The following ROBO2 variants were observed in gnomAD, a reference collection of about 807,000 sequenced individuals.
ROBO2 encodes roundabout homolog 2.
A neutral mutation model predicts 160.8 loss-of-function variants in ROBO2; 53 were observed. The ratio of observed to expected loss-of-function variants is 0.33; its 90% confidence interval spans 0.26 to 0.41. The LOEUF is 0.41. Among genes scored for constraint, ROBO2 ranks in the 10% least tolerant of loss-of-function variants. The probability of loss-of-function intolerance (pLI) is 1.00; values close to 1 mark genes in which losing one functional copy is unlikely to be tolerated. For synonymous variants in ROBO2, 664 were observed against 611.7 expected, an observed-to-expected ratio of 1.09 and a Z score of -1.26; for missense variants, 1,577 against 1,722.4, an observed-to-expected ratio of 0.92 and a Z score of 1.49.
rs2067334247 is a variant in ROBO2, at chr3:76,043,269, A to G, written c.109+105667A>G. Reference sequence around the variant, plus strand: ...GTGCTTTTAGTCATCTCCTCTTTTCACATACTGTGCCCTGGAATAGTCTCT... The same window carrying G: ...GTGCTTTTAGTCATCTCCTCTTTTCGCATACTGTGCCCTGGAATAGTCTCT... On this transcript the variant is annotated intron_variant, in intron 2 of 26. Transcript: ENST00000487694. Among the ~76,000 whole-genome samples the G allele has an allele frequency of 2.0e-5, 3 of 151,700 alleles. No individual in the cohort carries two copies. The South Asian group carries it at 6.2e-4, about 31-fold the overall frequency.
At chr3:76,606,557 G>A in intron 2 of ROBO2, among the ~76,000 whole-genome samples, 1 of 152,038 alleles carries the variant, frequency 6.6e-6, no homozygotes, top group East Asian at 1.9e-4. Context: ...GTCTCAAATG[G>A]CACATTATCT....
exon 26 of ROBO2, chr3:77,648,172 T>C (rs927955500): frequency 6.6e-6 from 1 of 152,190 alleles, no homozygotes; most frequent in African/African-American, 2.4e-5. Flanking sequence ...TATTCACAAC[T>C]CTAGGATGTG....
intron 2 of ROBO2, among the ~76,000 whole-genome samples, chr3:77,012,763 A>G (rs2061998161): frequency 6.6e-6 from 1 of 152,210 alleles, no homozygotes; most frequent in Non-Finnish European, 1.5e-5. Flanking sequence ...ACTGAATTCA[A>G]ATGTCTGGGA....
chr3:76,337,884 T>C (rs2073990046), intron 2 of ROBO2, among the ~76,000 whole-genome samples: 1 of 152,102 alleles, frequency 6.6e-6, no homozygotes, highest in South Asian at 2.1e-4. Flanking sequence ...ATTGATGAGG[T>C]TTTGGGCTCC....
At chr3:76,224,807 A>G (rs1278965373) in intron 2 of ROBO2, among the ~76,000 whole-genome samples, 1 of 152,136 alleles carries the variant, frequency 6.6e-6, no homozygotes, top group Non-Finnish European at 1.5e-5. Flanking sequence ...ATCAGTACAA[A>G]CACTTCAATC....
intron 2 of ROBO2, among the ~76,000 whole-genome samples, chr3:76,862,707 T>G (rs1268649836): frequency 6.6e-6 from 1 of 152,094 alleles, no homozygotes; most frequent in Non-Finnish European, 1.5e-5. Context: ...GGTTGGGGAA[T>G]GTGAGACTGA....
chr3:77,483,263 GA>G lies in ROBO2; in HGVS notation c.667+2049del, dbSNP rs544507414. Among the ~76,000 whole-genome samples the G allele has an allele frequency of 3.3e-5, 5 of 150,398 alleles. No individual in the cohort carries two copies. In the South Asian group the frequency reaches 1.0e-3, roughly 31 times the overall value. On this transcript the variant is annotated intron_variant, in intron 4 of 25. Coordinates refer to ENST00000461745, the Ensembl canonical transcript of ROBO2. Reference sequence around the variant, plus strand: ...AAGAAAACAACATCCAAATCCAAAAGAAAAACAAAAAAAACAAAGTGATGGT... The same window carrying G: ...AAGAAAACAACATCCAAATCCAAAAGAAAACAAAAAAAACAAAGTGATGGT...
At chr3:76,344,341 T>A (rs562455574) in intron 2 of ROBO2, among the ~76,000 whole-genome samples, 1 of 152,284 alleles carries the variant, frequency 6.6e-6, no homozygotes, top group Non-Finnish European at 1.5e-5. Context: ...TATCTTCAGA[T>A]AACTGATGAC....
At chr3:76,304,937 C>G (rs1365361619) in intron 2 of ROBO2, among the ~76,000 whole-genome samples, 1 of 151,688 alleles carries the variant, frequency 6.6e-6, no homozygotes, top group African/African-American at 2.4e-5. Flanking sequence ...TTTCTTTGGT[C>G]TGATGTAAGG....
intron 2 of ROBO2, among the ~76,000 whole-genome samples, chr3:76,603,014 G>A (rs1183084092): frequency 6.6e-6 from 1 of 151,856 alleles, no homozygotes; most frequent in African/African-American, 2.4e-5. Context: ...TCCACAAATC[G>A]TCTGAAAATC....
At chr3:77,364,651 C>CT (rs34654817) in intron 2 of ROBO2, among the ~76,000 whole-genome samples, 6,746 of 152,116 alleles carry the variant, frequency 0.044, 471 homozygotes, top group East Asian at 0.24. Context: ...GCTCAACTGA[C>CT]TAATTTGTAA....
intron 2 of ROBO2, among the ~76,000 whole-genome samples, chr3:76,737,282 G>T (rs945119868): frequency 6.6e-6 from 1 of 150,980 alleles, no homozygotes; most frequent in Non-Finnish European, 1.5e-5. Flanking sequence ...CTAGAATAGG[G>T]TTTATTACAT....
At chr3:77,476,612 C>T (rs1188265113) in intron 2 of ROBO2, among the ~76,000 whole-genome samples, 1 of 152,122 alleles carries the variant, frequency 6.6e-6, no homozygotes, top group Non-Finnish European at 1.5e-5. Context: ...TAGGGCTGAG[C>T]CATCTCTCCA....
rs546549661 is a variant in ROBO2 at position 76,751,684 on chromosome 3, GA to G, written c.110-346323del. 6.5e-3 allele frequency among the ~76,000 whole-genome samples: 981 copies of G among 151,834 alleles called. 6 individuals carry two copies. Among genetic ancestry groups the G allele is most frequent in the Middle Eastern group, 0.024 (7 of 292 alleles). On this transcript the variant is annotated intron_variant, in intron 2 of 26. Coordinates refer to the ROBO2 transcript ENST00000487694. ...ACATTTATGCAGCCAACAGACACAT[GA>G]AAAAAATGCTCATCATCACTGGCCA...
chr3:76,873,353 A>G (rs2072327202), intron 2 of ROBO2, among the ~76,000 whole-genome samples: 1 of 152,200 alleles, frequency 6.6e-6, no homozygotes, highest in African/African-American at 2.4e-5. Context: ...ATCTATACAC[A>G]TTCCTAAGAA....
At chr3:77,609,466 A>G (rs2094584140) in intron 21 of ROBO2, among the ~76,000 whole-genome samples, 1 of 152,114 alleles carries the variant, frequency 6.6e-6, no homozygotes, top group African/African-American at 2.4e-5. Flanking sequence ...AGGAAGAGAA[A>G]GTAGTGCTGT....
intron 2 of ROBO2, among the ~76,000 whole-genome samples, chr3:76,005,116 T>C (rs1162298818): frequency 6.6e-6 from 1 of 152,210 alleles, no homozygotes; most frequent in Non-Finnish European, 1.5e-5. Context: ...GCATCTTGGA[T>C]TTTCTGGTTT....
chr3:76,894,457 T>A (rs2074610127), intron 2 of ROBO2, among the ~76,000 whole-genome samples: 1 of 152,184 alleles, frequency 6.6e-6, no homozygotes, highest in South Asian at 2.1e-4. Flanking sequence ...GATATATTTT[T>A]ATAGGTAAAA....
At chr3:77,277,441 G>T (rs962349406) in intron 2 of ROBO2, among the ~76,000 whole-genome samples, 1 of 151,912 alleles carries the variant, frequency 6.6e-6, no homozygotes, top group Admixed American at 6.6e-5. Context: ...TCTTCCAGAT[G>T]ATGTCACTCC....
Sources: gnomAD v4.1 joint callset for allele counts (sites outside exome capture counted in the v4.1 genomes callset) on GRCh38, gnomAD v4.1.1 for gene constraint, MANE v1.5 for transcripts, NCBI Gene and HGNC (gene_info 2026-07-23, HGNC 2026-07-21) for gene names.